CTDP1: variants seen among roughly 807,000 people sequenced by gnomAD.
CTDP1 encodes the protein RNA polymerase II subunit A C-terminal domain phosphatase.
In CTDP1, 47 loss-of-function variants were observed where a neutral mutation model predicts 91.8. The ratio of observed to expected loss-of-function variants is 0.51; its 90% CI spans 0.41 to 0.65. The LOEUF (loss-of-function observed/expected upper bound fraction) is 0.65, where lower values mean the gene tolerates loss of function less well. Among genes scored for constraint, CTDP1 ranks in the 30% least tolerant of loss-of-function variants. The pLI is 0.00. For synonymous variants in CTDP1, 656 were observed against 598.5 expected (o/e 1.10, Z -1.40); for missense variants, 1,272 against 1,373.7 (o/e 0.93, Z 1.17).
chr18:79,715,118 A>T lies in CTDP1; in HGVS notation c.1658A>T (p.Glu553Val). ...GLGNGCADRK[E>V]AETESQNSEL... ...GGCAACGGCTGTGCCGACAGGAAGG[A>T]GGCGGAGACCGAGTCACAGAACAGC... Residue 553 changes from glutamate to valine, a missense_variant, in exon 8 of 13, where the codon GAG (glutamate) becomes GTG (valine). Coordinates refer to ENST00000613122, the MANE Select transcript of CTDP1 (RefSeq NM_004715.5). 1.2e-6 allele frequency: 2 copies of T among 1,613,344 alleles called. No homozygotes were observed. The highest frequency in any genetic ancestry group is 1.1e-5 in the South Asian group (1 of 90,988).
intron 7 of CTDP1, among the ~76,000 whole-genome samples, chr18:79,714,204 C>T (rs2086144782): frequency 1.3e-5 from 2 of 152,208 alleles, no homozygotes; most frequent in South Asian, 2.1e-4. Context: ...AAAGGAAATA[C>T]TCATTAGGGT....
chr18:79,715,372 G>A lies in CTDP1; in HGVS notation c.1912G>A (p.Ala638Thr), dbSNP rs760531133. Residue 638 changes from alanine to threonine, a missense_variant, in exon 8 of 13, where the codon GCC (alanine) becomes ACC (threonine). Coordinates refer to ENST00000613122, the MANE Select transcript of CTDP1 (RefSeq NM_004715.5). ...CAAGAGCAAGGTGCTGGCAGACGTG[G>A]CCATAATTTTCAGTGGGCTACACCC... ...ELKSKVLADV[A>T]IIFSGLHPTN... The A allele has an allele frequency of 8.1e-6, 13 of 1,607,810 alleles. No individual in the cohort carries two copies. Among genetic ancestry groups the A allele is most frequent in the African/African-American group, 1.3e-5 (1 of 74,836 alleles).
At chr18:79,751,755 A>G (rs145115360) in intron 12 of CTDP1, among the ~76,000 whole-genome samples, 14 of 152,302 alleles carry the variant, frequency 9.2e-5, no homozygotes, top group African/African-American at 2.9e-4. Flanking sequence ...CCTCGAGTGC[A>G]TGTGTGTTAT....
At chr18:79,683,089 G>C (rs891517843) in intron 1 of CTDP1, 7 of 152,212 alleles carry the variant, frequency 4.6e-5, no homozygotes, top group African/African-American at 1.7e-4. Flanking sequence ...AGGCTGGAAG[G>C]TGAAGACATC....
At chr18:79,747,385 C>T (rs992352949) in intron 12 of CTDP1, among the ~76,000 whole-genome samples, 2 of 152,212 alleles carry the variant, frequency 1.3e-5, no homozygotes, top group African/African-American at 4.8e-5. Context: ...TGGGGCCCTG[C>T]GGGAACTGGG....
chr18:79,685,188 C>G (rs1009191242), intron 1 of CTDP1: 1 of 152,238 alleles, frequency 6.6e-6, no homozygotes, highest in Admixed American at 6.5e-5. Context: ...CCTGGAGATT[C>G]CTAGTGTGGG....
chr18:79,677,955 C>A, upstream of CTDP1: 1 of 152,316 alleles, frequency 6.6e-6, no homozygotes. Flanking sequence ...CCCACAATCC[C>A]CATTTTTTAA....
At chr18:79,740,895 A>G (rs1399081922) in intron 12 of CTDP1, among the ~76,000 whole-genome samples, 3 of 152,212 alleles carry the variant, frequency 2.0e-5, no homozygotes, top group African/African-American at 7.2e-5. Flanking sequence ...TAAGGATCTC[A>G]CAGACACATC....
At chr18:79,718,342 C>T (rs1599262480) in intron 10 of CTDP1, among the ~76,000 whole-genome samples, 3 of 152,314 alleles carry the variant, frequency 2.0e-5, no homozygotes, top group African/African-American at 7.2e-5. Flanking sequence ...ACGAGCAGAG[C>T]CGGGCTGGTT....
chr18:79,718,767 CAATT>C (rs1212698386), intron 10 of CTDP1, among the ~76,000 whole-genome samples: 2 of 152,104 alleles, frequency 1.3e-5, no homozygotes, highest in African/African-American at 2.4e-5. Context: ...AAGTTCAACT[CAATT>C]AAACTTGACC....
intron 1 of CTDP1, chr18:79,681,408 T>C (rs2122338083): frequency 9.3e-6 from 9 of 963,854 alleles, no homozygotes; most frequent in Non-Finnish European, 9.9e-6. Flanking sequence ...TGGAGGCAGA[T>C]CCCAATGCTG....
Position 79,714,972 on chromosome 18 carries a change from G to A in CTDP1, c.1512G>A (p.Glu504=), listed in dbSNP as rs113488358. 1.8e-5 allele frequency: 28 copies of A among 1,569,024 alleles called. No individual in the cohort carries two copies. Among genetic ancestry groups the A allele is most frequent in the African/African-American group, 1.3e-4 (10 of 74,428 alleles). Residue 504 remains glutamate, a synonymous_variant, in exon 8 of 13, where the codon GAG becomes GAA. Transcript: ENST00000613122. ...CGCTGGCACAGGGCAGTTCCCTGGA[G>A]CCGGGGCGGCCTGCAGCACCGAGTC... ...AGALAQGSSL[E]PGRPAAPSLP...
intron 1 of CTDP1, among the ~76,000 whole-genome samples, chr18:79,682,005 A>T (rs918545647): frequency 1.3e-5 from 2 of 152,178 alleles, no homozygotes; most frequent in Non-Finnish European, 2.9e-5. Flanking sequence ...CGTGGGTGCC[A>T]TAGATCCAGG....
chr18:79,735,333 C>T (rs541425122), intron 11 of CTDP1, among the ~76,000 whole-genome samples: 2 of 152,168 alleles, frequency 1.3e-5, no homozygotes, highest in African/African-American at 2.4e-5. Context: ...GTGGTCAGGC[C>T]GCCCCGCCTC....
At chr18:79,684,663 G>A (rs1435328321) in intron 1 of CTDP1, among the ~76,000 whole-genome samples, 1 of 152,178 alleles carries the variant, frequency 6.6e-6, no homozygotes, top group Non-Finnish European at 1.5e-5. Flanking sequence ...CTGCATTGTT[G>A]TTACCAGCAA....
intron 1 of CTDP1, among the ~76,000 whole-genome samples, chr18:79,691,402 C>T (rs1043952589): frequency 1.3e-5 from 2 of 152,268 alleles, no homozygotes; most frequent in East Asian, 3.9e-4. Context: ...AGGAGGCCCC[C>T]GTCCTTTGTG....
In CTDP1 at chr18:79,715,365, A is replaced by C; in HGVS notation, c.1905A>C (p.Ala635=). The change falls in exon 8 of 13, where the codon GCA becomes GCC. Residue 635 remains alanine, a synonymous_variant. Coordinates refer to ENST00000613122, the MANE Select transcript of CTDP1 (RefSeq NM_004715.5). ...IVPELKSKVL[A]DVAIIFSGLH... is the part of the protein sequence containing the mutation. The stretch of plus-strand genomic sequence containing the variant: ...CGGAGCTCAAGAGCAAGGTGCTGGC[A>C]GACGTGGCCATAATTTTCAGTGGGC... 5 of 1,608,482 alleles carry C rather than the reference A, an allele frequency of 3.1e-6. No homozygotes were observed. The highest frequency in any genetic ancestry group is 4.2e-6 in the Non-Finnish European group (5 of 1,177,404).
At chr18:79,731,396 G>A (rs1158877379) in intron 11 of CTDP1, among the ~76,000 whole-genome samples, 1 of 152,210 alleles carries the variant, frequency 6.6e-6, no homozygotes, top group Non-Finnish European at 1.5e-5. Context: ...CGTGGGGGAT[G>A]CTGCTCCCAC....
chr18:79,719,254 G>A (rs999779086), intron 10 of CTDP1, among the ~76,000 whole-genome samples: 7 of 152,174 alleles, frequency 4.6e-5, no homozygotes, highest in Non-Finnish European at 8.8e-5. Flanking sequence ...CTGATTTCAC[G>A]GCCCTTGAGG....
Sources: allele counts gnomAD v4.1 joint callset (sites outside exome capture counted in the v4.1 genomes callset), GRCh38; gene constraint gnomAD v4.1.1; transcripts MANE v1.5; gene names NCBI Gene and HGNC (gene_info 2026-07-23, HGNC 2026-07-21).